H2AC13: variants seen among roughly 807,000 people sequenced by gnomAD.
H2AC13 encodes histone H2A type 1.
H2AC13 carries 3 observed loss-of-function variants against 5.9 expected under a neutral mutation model. The observed-to-expected ratio is 0.50, with a 90% CI of 0.23 to 1.30. The LOEUF is 1.30. H2AC13 is among the 50% of genes most tolerant of loss of function. The pLI is 0.18. For synonymous variants in H2AC13, 96 were observed against 82.4 expected (o/e 1.17, Z -0.90); for missense variants, 123 against 179.1 (o/e 0.69, Z 1.79).
In H2AC13 at chr6:27,808,360, T is replaced by C. The variant is rs2113876661; in HGVS notation, c.151T>C (p.Tyr51His). The stretch of plus-strand genomic sequence containing the variant: ...GCGGGTCGGTGCTGGAGCGCCGGTG[T>C]ACCTGGCGGCGGTGCTGGAGTACCT... Reference protein sequence around the residue: ...AERVGAGAPVYLAAVLEYLTA... With the variant: ...AERVGAGAPVHLAAVLEYLTA... The change falls in exon 1 of 1, where the codon TAC becomes CAC. Residue 51 changes from tyrosine to histidine, a missense_variant. Transcript: ENST00000358739. 1 of 1,600,034 alleles carries C rather than the reference T, an allele frequency of 6.2e-7. No homozygotes were observed. Among genetic ancestry groups the C allele is most frequent in the Non-Finnish European group, 8.5e-7 (1 of 1,171,066 alleles).
Position 27,808,217 on chromosome 6 carries a change from G to T in H2AC13, c.8G>T (p.Gly3Val), listed in dbSNP as rs761927027. 1 of 1,581,942 alleles carries T rather than the reference G, an allele frequency of 6.3e-7. No individual in the cohort carries two copies. Among genetic ancestry groups the T allele is most frequent in the Non-Finnish European group, 8.6e-7 (1 of 1,165,276 alleles). The change falls in exon 1 of 1, where the codon GGG becomes GTG. Residue 3 changes from glycine (G) to valine (V), a missense_variant. Gly to Val is a moderately radical substitution (Grantham distance 109, BLOSUM62 -3). Around this residue, in one of 3 missense-constraint regions of H2AC13, gnomAD observed 33 missense variants for 28.6 expected, o/e 1.15. Coordinates refer to ENST00000358739, the MANE Select transcript of H2AC13 (RefSeq NM_003509.3). ...GATAATAGGCCTTTTGCCATGTCTG[G>T]GCGTGGCAAGCAGGGAGGCAAAGCT... MSGRGKQGGKARA... is the reference protein window; with the variant it reads MSVRGKQGGKARA...
In H2AC13 at chr6:27,808,271, G is replaced by A; in HGVS notation, c.62G>A (p.Arg21Gln). Residue 21 changes from arginine to glutamine, a missense_variant, in exon 1 of 1, where the codon CGG becomes CAG. Physicochemically the swap from Arg to Gln is conservative, Grantham distance 43. This residue lies in a region of H2AC13 where 33 missense variants were observed against 28.6 expected (regional missense o/e 1.15). Transcript: ENST00000358739. ...ARAKAKTRSS[R>Q]AGLQFPVGRV... Reference sequence around the variant, plus strand: ...GCCAAGGCCAAGACCCGCTCTTCTCGGGCCGGGCTTCAGTTTCCCGTAGGC... The same window carrying A: ...GCCAAGGCCAAGACCCGCTCTTCTCAGGCCGGGCTTCAGTTTCCCGTAGGC... 1 of 1,564,740 alleles carries A rather than the reference G, an allele frequency of 6.4e-7. No homozygotes were observed. Among genetic ancestry groups the A allele is most frequent in the Non-Finnish European group, 8.6e-7 (1 of 1,159,078 alleles).
rs768930206 is a variant in H2AC13, at chr6:27,808,214, C to G, written c.5C>G (p.Ser2Cys). The G allele has an allele frequency of 1.3e-6, 2 of 1,580,062 alleles. No homozygotes were observed. The highest frequency in any genetic ancestry group is 3.7e-5 in the Admixed American group (2 of 54,044). M[S>C]GRGKQGGKAR... ...ATAGATAATAGGCCTTTTGCCATGT[C>G]TGGGCGTGGCAAGCAGGGAGGCAAA... Residue 2 changes from serine (S) to cysteine (C), a missense_variant, in exon 1 of 1, where the codon TCT becomes TGT. By Grantham distance (112) the Ser-to-Cys change is moderately radical (BLOSUM62 -1). Transcript: ENST00000358739.
In H2AC13 at chr6:27,808,230, G is replaced by T. The variant is rs1337088464; in HGVS notation, c.21G>T (p.Gln7His). The stretch of plus-strand genomic sequence containing the variant: ...TTGCCATGTCTGGGCGTGGCAAGCA[G>T]GGAGGCAAAGCTCGCGCCAAGGCCA... MSGRGK[Q>H]GGKARAKAKT... The change falls in exon 1 of 1, where the codon CAG (glutamine) becomes CAT (histidine). Residue 7 changes from glutamine (Q) to histidine (H), a missense_variant. Gln to His is a conservative substitution (Grantham distance 24). Transcript: ENST00000358739. 1 of 1,582,196 alleles carries T rather than the reference G, an allele frequency of 6.3e-7. No individual in the cohort carries two copies. Among genetic ancestry groups the T allele is most frequent in the African/African-American group, 1.4e-5 (1 of 73,852 alleles).
At position 27,808,548 on chromosome 6, in the gene H2AC13, G is replaced by A. The variant is rs1445867949; in HGVS notation, c.339G>A (p.Gln113=). ...IAQGGVLPNI[Q]AVLLPKKTES... is the part of the protein sequence containing the mutation. ...AGGGTGGCGTCCTGCCCAACATCCA[G>A]GCCGTGCTACTGCCCAAGAAGACCG... The change falls in exon 1 of 1, where the codon CAG becomes CAA. Residue 113 remains glutamine (Q), a synonymous_variant. Transcript: ENST00000358739. 1.2e-6 allele frequency: 2 copies of A among 1,614,116 alleles called. No individual in the cohort carries two copies. The highest frequency in any genetic ancestry group is 1.7e-6 in the Non-Finnish European group (2 of 1,180,044).
At position 27,808,370 on chromosome 6, in the gene H2AC13, C is replaced by T. The variant is rs1166788499; in HGVS notation, c.161C>T (p.Ala54Val). 2.5e-6 allele frequency: 4 copies of T among 1,601,114 alleles called. No homozygotes were observed. The highest frequency in any genetic ancestry group is 1.3e-5 in the African/African-American group (1 of 74,516). ...VGAGAPVYLA[A>V]VLEYLTAEIL... is the part of the protein sequence containing the mutation. ...GCTGGAGCGCCGGTGTACCTGGCGGCGGTGCTGGAGTACCTGACCGCCGAG... is the reference window on the plus strand; with the variant it reads ...GCTGGAGCGCCGGTGTACCTGGCGGTGGTGCTGGAGTACCTGACCGCCGAG... The change falls in exon 1 of 1, where the codon GCG becomes GTG. Residue 54 changes from alanine to valine, a missense_variant. This residue lies in a region of H2AC13 where 72 missense variants were observed against 134.3 expected (regional missense o/e 0.54). Coordinates refer to ENST00000358739, the MANE Select transcript of H2AC13 (RefSeq NM_003509.3).
At position 27,808,293 on chromosome 6, in the gene H2AC13, A is replaced by C. The variant is rs777256938; in HGVS notation, c.84A>C (p.Val28=). The C allele has an allele frequency of 6.4e-7, 1 of 1,552,490 alleles. No homozygotes were observed. Among genetic ancestry groups the C allele is most frequent in the Non-Finnish European group, 8.7e-7 (1 of 1,152,324 alleles). The part of the protein sequence containing the change: ...RSSRAGLQFP[V]GRVHRLLRKG... ...CTCGGGCCGGGCTTCAGTTTCCCGT[A>C]GGCCGAGTGCATCGCCTGCTCCGCA... is the stretch of plus-strand genomic sequence containing the variant. The change falls in exon 1 of 1, where the codon GTA becomes GTC. Residue 28 remains valine, a synonymous_variant. Coordinates refer to ENST00000358739, the MANE Select transcript of H2AC13 (RefSeq NM_003509.3).
At position 27,808,202 on chromosome 6, in the gene H2AC13, C is replaced by T. The variant is rs541935175; in HGVS notation, c.-8C>T. On this transcript the variant is annotated 5_prime_UTR_variant, in exon 1 of 1. Transcript: ENST00000358739. ...TTTCTTGACCGTATAGATAATAGGCCTTTTGCCATGTCTGGGCGTGGCAAG... is the reference window on the plus strand; with the variant it reads ...TTTCTTGACCGTATAGATAATAGGCTTTTTGCCATGTCTGGGCGTGGCAAG... The T allele has an allele frequency of 2.6e-5, 40 of 1,567,532 alleles. No homozygotes were observed. The Middle Eastern group carries it at 6.9e-4, about 27-fold the overall frequency.
Position 27,808,643 on chromosome 6 carries a change from C to G in H2AC13, c.*41C>G, listed in dbSNP as rs1760499162. 1 of 1,578,456 alleles carries G rather than the reference C, an allele frequency of 6.3e-7. No homozygotes were observed. Among genetic ancestry groups the G allele is most frequent in the African/African-American group, 1.4e-5 (1 of 73,490 alleles). On this transcript the variant is annotated 3_prime_UTR_variant, in exon 1 of 1. Transcript: ENST00000358739. ...TGCAGCAACTCAATCCCAAAGGAACCAAAGGCTCTTTTCAGAGCCACCTAC... is the reference window on the plus strand; with the variant it reads ...TGCAGCAACTCAATCCCAAAGGAACGAAAGGCTCTTTTCAGAGCCACCTAC...
Position 27,808,533 on chromosome 6 carries a change from C to T in H2AC13, c.324C>T (p.Val108=), listed in dbSNP as rs375383643. 11 of 1,614,104 alleles carry T rather than the reference C, an allele frequency of 6.8e-6. No homozygotes were observed. The highest frequency in any genetic ancestry group is 1.3e-5 in the African/African-American group (1 of 74,938). The change falls in exon 1 of 1, where the codon GTC becomes GTT. Residue 108 remains valine, a synonymous_variant. Transcript: ENST00000358739. ...AAGTCACCATCGCACAGGGTGGCGT[C>T]CTGCCCAACATCCAGGCCGTGCTAC... The part of the protein sequence containing the change: ...LGKVTIAQGG[V]LPNIQAVLLP...
At position 27,808,632 on chromosome 6, in the gene H2AC13, C is replaced by T. The variant is rs745528010; in HGVS notation, c.*30C>T. On this transcript the variant is annotated 3_prime_UTR_variant, in exon 1 of 1. Transcript: ENST00000358739. The stretch of plus-strand genomic sequence containing the variant: ...CTGGATTAGTTTGCAGCAACTCAAT[C>T]CCAAAGGAACCAAAGGCTCTTTTCA... 41 of 1,590,212 alleles carry T rather than the reference C, an allele frequency of 2.6e-5. 1 individual carries two copies. In the South Asian group the frequency reaches 2.8e-4, roughly 11 times the overall value.
At position 27,808,642 on chromosome 6, in the gene H2AC13, C is replaced by A. The variant is rs1160567395; in HGVS notation, c.*40C>A. On this transcript the variant is annotated 3_prime_UTR_variant, in exon 1 of 1. Transcript: ENST00000358739. ...TTGCAGCAACTCAATCCCAAAGGAA[C>A]CAAAGGCTCTTTTCAGAGCCACCTA... is the stretch of plus-strand genomic sequence containing the variant. 3 of 1,578,806 alleles carry A rather than the reference C, an allele frequency of 1.9e-6. No homozygotes were observed. Among genetic ancestry groups the A allele is most frequent in the Non-Finnish European group, 2.6e-6 (3 of 1,163,474 alleles).
rs1304663002 is a variant in H2AC13, at chr6:27,808,611, A to G, written c.*9A>G. ...AGGCGAAGGGCAAGTAGAAGCCTGG[A>G]TTAGTTTGCAGCAACTCAATCCCAA... On this transcript the variant is annotated 3_prime_UTR_variant, in exon 1 of 1. Transcript: ENST00000358739. The G allele has an allele frequency of 1.2e-6, 2 of 1,607,938 alleles. No homozygotes were observed. The highest frequency in any genetic ancestry group is 8.5e-7 in the Non-Finnish European group (1 of 1,176,294).
chr6:27,808,455 T>C lies in H2AC13; in HGVS notation c.246T>C (p.Arg82=), dbSNP rs771213510. Residue 82 remains arginine (R), a synonymous_variant, in exon 1 of 1, where the codon CGT becomes CGC. Coordinates refer to ENST00000358739, the MANE Select transcript of H2AC13 (RefSeq NM_003509.3). ...RDNKKTRIIP[R]HLQLAIRNDE... ...ACAAGAAGACTCGCATCATCCCGCGTCACCTCCAGCTGGCCATCCGCAACG... is the reference window on the plus strand; with the variant it reads ...ACAAGAAGACTCGCATCATCCCGCGCCACCTCCAGCTGGCCATCCGCAACG... 1.9e-6 allele frequency: 3 copies of C among 1,613,092 alleles called. No individual in the cohort carries two copies. Among genetic ancestry groups the C allele is most frequent in the Non-Finnish European group, 2.5e-6 (3 of 1,179,356 alleles).
Position 27,808,462 on chromosome 6 carries a change from C to T in H2AC13, c.253C>T (p.Gln85Ter). Residue 85 changes from glutamine (Q) to a stop codon, truncating the protein, a stop_gained, in exon 1 of 1, where the codon CAG becomes TAG. Coordinates refer to ENST00000358739, the MANE Select transcript of H2AC13 (RefSeq NM_003509.3). LOFTEE classifies it high-confidence loss of function. ...KKTRIIPRHL[Q>*]LAIRNDEELN... ...GACTCGCATCATCCCGCGTCACCTC[C>T]AGCTGGCCATCCGCAACGATGAGGA... The T allele has an allele frequency of 2.5e-6, 4 of 1,613,742 alleles. No individual in the cohort carries two copies. The highest frequency in any genetic ancestry group is 1.7e-6 in the Non-Finnish European group (2 of 1,179,726).
At position 27,808,208 on chromosome 6, in the gene H2AC13, C is replaced by T. The variant is rs113996887; in HGVS notation, c.-2C>T. On this transcript the variant is annotated 5_prime_UTR_variant, in exon 1 of 1. Coordinates refer to ENST00000358739, the MANE Select transcript of H2AC13 (RefSeq NM_003509.3). ...GACCGTATAGATAATAGGCCTTTTG[C>T]CATGTCTGGGCGTGGCAAGCAGGGA... 1.2e-3 allele frequency: 1,866 copies of T among 1,570,382 alleles called. 16 individuals are homozygous for T. In the African/African-American group the frequency reaches 0.02, roughly 17 times the overall value.
Position 27,808,420 on chromosome 6 carries a change from G to T in H2AC13, c.211G>T (p.Ala71Ser). Residue 71 changes from alanine (A) to serine (S), a missense_variant, in exon 1 of 1, where the codon GCC becomes TCC. Around this residue, in one of 3 missense-constraint regions of H2AC13, gnomAD observed 72 missense variants for 134.3 expected, o/e 0.54. Coordinates refer to ENST00000358739, the MANE Select transcript of H2AC13 (RefSeq NM_003509.3). ...AEILELAGNA[A>S]RDNKKTRIIP... ...GATCCTGGAGCTGGCTGGCAACGCG[G>T]CCCGCGACAACAAGAAGACTCGCAT... 1.2e-6 allele frequency: 2 copies of T among 1,610,354 alleles called. No homozygotes were observed. The highest frequency in any genetic ancestry group is 1.7e-6 in the Non-Finnish European group (2 of 1,177,308).
chr6:27,808,510 G>A lies in H2AC13; in HGVS notation c.301G>A (p.Val101Ile), dbSNP rs752599700. The change falls in exon 1 of 1, where the codon GTC becomes ATC. Residue 101 changes from valine to isoleucine, a missense_variant. This residue lies in a region of H2AC13 where 72 missense variants were observed against 134.3 expected (regional missense o/e 0.54). Coordinates refer to ENST00000358739, the MANE Select transcript of H2AC13 (RefSeq NM_003509.3). Reference sequence around the variant, plus strand: ...GGAGCTCAACAAGCTTCTGGGCAAAGTCACCATCGCACAGGGTGGCGTCCT... The same window carrying A: ...GGAGCTCAACAAGCTTCTGGGCAAAATCACCATCGCACAGGGTGGCGTCCT... Reference protein sequence around the residue: ...DEELNKLLGKVTIAQGGVLPN... With the variant: ...DEELNKLLGKITIAQGGVLPN... 6.2e-7 allele frequency: 1 copy of A among 1,614,198 alleles called. No homozygotes were observed.
In H2AC13 at chr6:27,808,460, T is replaced by C. The variant is rs770489795; in HGVS notation, c.251T>C (p.Leu84Pro). Residue 84 changes from leucine (L) to proline (P), a missense_variant, in exon 1 of 1, where the codon CTC (leucine) becomes CCC (proline). Physicochemically the swap from Leu to Pro is moderately conservative, Grantham distance 98. This residue lies in a region of H2AC13 where 72 missense variants were observed against 134.3 expected (regional missense o/e 0.54). Transcript: ENST00000358739. ...NKKTRIIPRH[L>P]QLAIRNDEEL... The stretch of plus-strand genomic sequence containing the variant: ...AAGACTCGCATCATCCCGCGTCACC[T>C]CCAGCTGGCCATCCGCAACGATGAG... 2 of 1,613,192 alleles carry C rather than the reference T, an allele frequency of 1.2e-6. No homozygotes were observed. Among genetic ancestry groups the C allele is most frequent in the Non-Finnish European group, 1.7e-6 (2 of 1,179,570 alleles).
Sources: gnomAD v4.1 joint callset for allele counts on GRCh38, gnomAD v4.1.1 for gene constraint, gnomAD v4.1.1 regional missense constraint, MANE v1.5 for transcripts, NCBI Gene and HGNC (gene_info 2026-07-23, HGNC 2026-07-21) for gene names.